OPCML: variants seen among roughly 807,000 people sequenced by gnomAD.
OPCML encodes opioid-binding protein/cell adhesion molecule.
Under a neutral mutation model 37.8 loss-of-function variants are expected in OPCML, and 13 were observed. The observed-to-expected ratio is 0.34, with a 90% CI of 0.22 to 0.55. The LOEUF is 0.55. OPCML is among the 20% of genes least tolerant of loss of function. The pLI, the probability that OPCML is intolerant of heterozygous loss-of-function variation, is 0.91. For synonymous variants in OPCML, 176 were observed against 168.8 expected, an observed-to-expected ratio of 1.04 and a Z score of -0.33; for missense variants, 341 against 435.6, an observed-to-expected ratio of 0.78 and a Z score of 1.93.
In OPCML at chr11:133,086,129, G is replaced by A. The variant is rs374776590; in HGVS notation, c.62-143119C>T. On this transcript the variant is annotated intron_variant, in intron 1 of 7. Transcript: ENST00000524381. ...TGCAGATCCAAAGGTGATAATTCAAGCACAGCTTTAAGATTTTTCAAATAC... is the reference window on the plus strand; with the variant it reads ...TGCAGATCCAAAGGTGATAATTCAAACACAGCTTTAAGATTTTTCAAATAC... 1.8e-3 allele frequency among the ~76,000 whole-genome samples: 276 copies of A among 152,286 alleles called. 1 individual carries two copies. The highest frequency in any genetic ancestry group is 6.5e-3 in the African/African-American group (270 of 41,566).
chr11:132,578,575 T>A (rs569624362), intron 3 of OPCML, among the ~76,000 whole-genome samples: 19 of 152,316 alleles, frequency 1.2e-4, no homozygotes, highest in Admixed American at 8.5e-4. Context: ...GTATAAGCCA[T>A]CCTTGTTGAA....
intron 1 of OPCML, among the ~76,000 whole-genome samples, chr11:133,495,277 C>A (rs1947759923): frequency 6.6e-6 from 1 of 152,118 alleles, no homozygotes; most frequent in Non-Finnish European, 1.5e-5. Flanking sequence ...TGTATATATA[C>A]CACAGTTTCT....
chr11:133,220,828 C>G (rs1939786436), intron 1 of OPCML, among the ~76,000 whole-genome samples: 1 of 152,082 alleles, frequency 6.6e-6, no homozygotes, highest in Admixed American at 6.5e-5. Flanking sequence ...GCCCCCCGAT[C>G]TATAGCCCCC....
intron 1 of OPCML, among the ~76,000 whole-genome samples, chr11:133,429,908 G>A (rs546639776): frequency 2.0e-5 from 3 of 152,254 alleles, no homozygotes; most frequent in East Asian, 1.9e-4. Flanking sequence ...CACAGACTAC[G>A]ATCATAGACC....
chr11:133,188,405 C>T (rs576255584), intron 1 of OPCML, among the ~76,000 whole-genome samples: 7 of 152,152 alleles, frequency 4.6e-5, no homozygotes, highest in Middle Eastern at 3.4e-3. Flanking sequence ...GTGGGGAAAA[C>T]GATTAAAGTC....
intron 1 of OPCML, among the ~76,000 whole-genome samples, chr11:133,184,241 T>C (rs894234640): frequency 3.3e-5 from 5 of 152,144 alleles, no homozygotes; most frequent in African/African-American, 7.2e-5. Flanking sequence ...TTTGGGGAGA[T>C]AGGGTGGTGA....
chr11:133,225,337 A>G (rs1054386846), intron 1 of OPCML, among the ~76,000 whole-genome samples: 3 of 152,210 alleles, frequency 2.0e-5, no homozygotes, highest in Non-Finnish European at 4.4e-5. Flanking sequence ...TCAGCTCTAT[A>G]GGCTCATGGT....
At chr11:132,981,557 AACAT>A (rs1206281286) in intron 1 of OPCML, among the ~76,000 whole-genome samples, 2 of 152,228 alleles carry the variant, frequency 1.3e-5, no homozygotes, top group African/African-American at 4.8e-5. Flanking sequence ...CACGTTTATA[AACAT>A]TAGCAGTTGA....
At chr11:133,150,794 C>T (rs953469759) in intron 1 of OPCML, among the ~76,000 whole-genome samples, 1 of 152,010 alleles carries the variant, frequency 6.6e-6, no homozygotes, top group East Asian at 1.9e-4. Context: ...AATGAGTGTG[C>T]CTTCCAGCTC....
At chr11:133,253,492 TAG>T (rs1941210115) in intron 1 of OPCML, among the ~76,000 whole-genome samples, 1 of 152,106 alleles carries the variant, frequency 6.6e-6, no homozygotes, top group East Asian at 1.9e-4. Flanking sequence ...GTATTTTTAG[TAG>T]AGACAGGGTT....
intron 4 of OPCML, among the ~76,000 whole-genome samples, chr11:132,499,589 T>C (rs2096241385): frequency 6.6e-6 from 1 of 152,198 alleles, no homozygotes; most frequent in Admixed American, 6.5e-5. Context: ...GTTTAAAAGC[T>C]CAAAGTCTGG....
intron 1 of OPCML, among the ~76,000 whole-genome samples, chr11:133,494,978 T>C (rs2120480418): frequency 6.6e-6 from 1 of 152,322 alleles, no homozygotes; most frequent in East Asian, 1.9e-4. Flanking sequence ...ACTTCTTTAG[T>C]GGTGATTTGT....
intron 1 of OPCML, chr11:133,005,916 G>A (rs1216733305): frequency 1.0e-6 from 1 of 985,250 alleles, no homozygotes; most frequent in African/African-American, 1.7e-5. Flanking sequence ...GTTAGCTGTG[G>A]CCCTCAGACT....
At chr11:133,375,762 A>T (rs184420308) in intron 1 of OPCML, among the ~76,000 whole-genome samples, 1 of 152,318 alleles carries the variant, frequency 6.6e-6, no homozygotes, top group East Asian at 1.9e-4. Context: ...TGTCTATTCA[A>T]GCTGTCAGCT....
At chr11:132,508,582 G>T (rs1431247701) in intron 4 of OPCML, among the ~76,000 whole-genome samples, 1 of 152,114 alleles carries the variant, frequency 6.6e-6, no homozygotes, top group Non-Finnish European at 1.5e-5. Flanking sequence ...ATGTGTTGTG[G>T]GAGGGACCCA....
At chr11:133,099,688 A>G (rs1379655948) in intron 1 of OPCML, among the ~76,000 whole-genome samples, 1 of 151,832 alleles carries the variant, frequency 6.6e-6, no homozygotes, top group African/African-American at 2.4e-5. Flanking sequence ...GCATTTTTTC[A>G]TATGCCTGTT....
At chr11:133,264,846 T>C (rs186306362) in intron 1 of OPCML, among the ~76,000 whole-genome samples, 1 of 152,270 alleles carries the variant, frequency 6.6e-6, no homozygotes, top group Admixed American at 6.5e-5. Flanking sequence ...GATCATTAAA[T>C]AAACTAAGTA....
intron 1 of OPCML, among the ~76,000 whole-genome samples, chr11:133,398,632 T>G (rs1268145994): frequency 6.6e-6 from 1 of 152,058 alleles, no homozygotes; most frequent in Non-Finnish European, 1.5e-5. Context: ...TCTAAAGAGA[T>G]GCAAACAAGA....
chr11:132,885,397 T>C (rs1260222451), intron 2 of OPCML, among the ~76,000 whole-genome samples: 5 of 152,334 alleles, frequency 3.3e-5, no homozygotes, highest in African/African-American at 1.2e-4. Context: ...TTAAACATGC[T>C]GTTTATCCTA....
Sources: allele counts gnomAD v4.1 joint callset (sites outside exome capture counted in the v4.1 genomes callset), GRCh38; gene constraint gnomAD v4.1.1; transcripts MANE v1.5; gene names NCBI Gene and HGNC (gene_info 2026-07-23, HGNC 2026-07-21).